The following DLGAP4 variants were observed in gnomAD, a reference collection of about 807,000 sequenced individuals.
DLGAP4 encodes DLG associated protein 4.
A neutral mutation model predicts 86.9 loss-of-function variants in DLGAP4; 18 were observed. That is an observed-to-expected ratio of 0.21 (90% CI 0.14 to 0.31). The LOEUF is 0.31. Ranked by LOEUF, DLGAP4 falls within the 10% of genes least tolerant of loss-of-function variation. The pLI, the probability that DLGAP4 is intolerant of heterozygous loss-of-function variation, is 1.00. For synonymous variants in DLGAP4, 548 were observed against 574.3 expected (o/e 0.95, Z 0.65); for missense variants, 1,085 against 1,362.6 (o/e 0.80, Z 3.21).
At chr20:36,463,693 T>G (rs2034205617) in intron 7 of DLGAP4, among the ~76,000 whole-genome samples, 1 of 152,352 alleles carries the variant, frequency 6.6e-6, no homozygotes, top group African/African-American at 2.4e-5. Context: ...TGGGCCCTGC[T>G]TGGACAGTGG....
At chr20:36,499,960 A>G (rs937221388) in intron 9 of DLGAP4, among the ~76,000 whole-genome samples, 2 of 152,202 alleles carry the variant, frequency 1.3e-5, no homozygotes, top group Admixed American at 1.3e-4. Flanking sequence ...CACTGCAGTA[A>G]ACAGGCAACC....
chr20:36,505,348 A>G (rs2036316058), intron 10 of DLGAP4, among the ~76,000 whole-genome samples: 1 of 152,028 alleles, frequency 6.6e-6, no homozygotes, highest in African/African-American at 2.4e-5. Context: ...TTGTGTCTCC[A>G]CTTATTTTTT....
At chr20:36,511,640 C>T (rs970432099) in intron 10 of DLGAP4, among the ~76,000 whole-genome samples, 11 of 151,890 alleles carry the variant, frequency 7.2e-5, no homozygotes, top group African/African-American at 1.4e-4. Flanking sequence ...TTTGGAAGGC[C>T]GAGGTAGGCA....
chr20:36,352,943 A>G (rs1373851911), intron 1 of DLGAP4, among the ~76,000 whole-genome samples: 1 of 152,190 alleles, frequency 6.6e-6, no homozygotes, highest in East Asian at 1.9e-4. Context: ...GAGGGGGGCT[A>G]CGGAAATGAG....
At chr20:36,384,160 G>A (rs1435455685) in intron 2 of DLGAP4, among the ~76,000 whole-genome samples, 3 of 152,134 alleles carry the variant, frequency 2.0e-5, no homozygotes, top group Non-Finnish European at 4.4e-5. Flanking sequence ...TGGGGTGCGG[G>A]GCACTCGTTT....
intron 7 of DLGAP4, among the ~76,000 whole-genome samples, chr20:36,468,902 T>G (rs111323506): frequency 1.3e-5 from 2 of 152,336 alleles, no homozygotes; most frequent in South Asian, 4.1e-4. Context: ...GCCAGTTGCT[T>G]TCTCGTAAAT....
chr20:36,373,037 G>A (rs918227392), intron 2 of DLGAP4, among the ~76,000 whole-genome samples: 1 of 151,984 alleles, frequency 6.6e-6, no homozygotes, highest in African/African-American at 2.4e-5. Flanking sequence ...AAACATATGC[G>A]TGCTCCTGCC....
intron 3 of DLGAP4, among the ~76,000 whole-genome samples, chr20:36,433,737 C>T (rs1403208939): frequency 3.9e-5 from 6 of 152,114 alleles, no homozygotes; most frequent in East Asian, 1.9e-4. Context: ...CTGCAACCTC[C>T]GCCCCCCGGG....
chr20:36,343,252 C>T (rs190593929), intron 1 of DLGAP4, among the ~76,000 whole-genome samples: 16 of 152,272 alleles, frequency 1.1e-4, no homozygotes, highest in Non-Finnish European at 1.6e-4. Flanking sequence ...ATCGTGGCAA[C>T]GAACAGCTGT....
At chr20:36,383,031 A>G (rs1437924902) in intron 2 of DLGAP4, among the ~76,000 whole-genome samples, 1 of 152,180 alleles carries the variant, frequency 6.6e-6, no homozygotes, top group African/African-American at 2.4e-5. Flanking sequence ...TGCTGGTCAC[A>G]CCATCTTAAT....
rs1305770836 is a variant in DLGAP4, at chr20:36,434,912, CAT to C, written c.1000-1196_1000-1195del. 7.2e-5 allele frequency among the ~76,000 whole-genome samples: 11 copies of C among 152,226 alleles called. No homozygotes were observed. In the South Asian group the frequency reaches 1.2e-3, roughly 17 times the overall value. ...GAGTGGGCTTGGACATCTGTGGTGA[CAT>C]GTGCAGTCTGGTGAGGGGTATGCTG... On this transcript the variant is annotated intron_variant, in intron 3 of 12. Transcript: ENST00000339266.
intron 2 of DLGAP4, among the ~76,000 whole-genome samples, chr20:36,396,483 C>G (rs1168100352): frequency 2.0e-5 from 3 of 146,948 alleles, no homozygotes; most frequent in African/African-American, 7.5e-5. Context: ...ACATCACACA[C>G]ACCACACACA....
chr20:36,499,575 G>A lies in DLGAP4; in HGVS notation c.2011-13G>A. The A allele has an allele frequency of 1.2e-6, 2 of 1,613,364 alleles. No homozygotes were observed. The highest frequency in any genetic ancestry group is 1.7e-6 in the Non-Finnish European group (2 of 1,179,552). ...TTGTCTCCGTGCCGTTGCTGTCGTT[G>A]TCCTTCAATAAGGTTGACTGCATTC... On this transcript the variant is annotated splice_polypyrimidine_tract_variant and intron_variant, in intron 8 of 12. Coordinates refer to ENST00000339266, the MANE Select transcript of DLGAP4 (RefSeq NM_001365621.2).
chr20:36,352,034 TGAG>T (rs2030172425), intron 1 of DLGAP4, among the ~76,000 whole-genome samples: 1 of 151,992 alleles, frequency 6.6e-6, no homozygotes, highest in African/African-American at 2.4e-5. Context: ...AAGGCCTCTC[TGAG>T]GAGGTGACAG....
At chr20:36,371,030 G>A (rs899037819) in intron 2 of DLGAP4, among the ~76,000 whole-genome samples, 1 of 152,128 alleles carries the variant, frequency 6.6e-6, no homozygotes, top group Non-Finnish European at 1.5e-5. Flanking sequence ...CAAATGAGAG[G>A]ACTGAGACCT....
intron 2 of DLGAP4, among the ~76,000 whole-genome samples, chr20:36,416,864 A>G (rs1221442241): frequency 1.3e-5 from 2 of 152,138 alleles, no homozygotes; most frequent in Non-Finnish European, 2.9e-5. Flanking sequence ...CTTCTCTCCC[A>G]TCGGGCAGCT....
At chr20:36,352,671 T>C (rs1036452698) in intron 1 of DLGAP4, among the ~76,000 whole-genome samples, 12 of 152,024 alleles carry the variant, frequency 7.9e-5, no homozygotes, top group African/African-American at 2.7e-4. Context: ...GTGAAAATTG[T>C]CTGATACCTT....
At chr20:36,461,751 G>GGCCCCC in intron 7 of DLGAP4, 14 of 618,736 alleles carry the variant, frequency 2.3e-5, no homozygotes, top group East Asian at 1.5e-4. Flanking sequence ...CCGTCCGTCC[G>GGCCCCC]CCCGCCCGCC....
intron 1 of DLGAP4, among the ~76,000 whole-genome samples, chr20:36,360,452 C>T (rs1416596157): frequency 1.3e-5 from 2 of 152,192 alleles, no homozygotes; most frequent in Non-Finnish European, 2.9e-5. Context: ...CTCCTGGTCC[C>T]CTCCAGCCTC....
Sources: allele counts gnomAD v4.1 joint callset (sites outside exome capture counted in the v4.1 genomes callset), GRCh38; gene constraint gnomAD v4.1.1; transcripts MANE v1.5; gene names NCBI Gene and HGNC (gene_info 2026-07-23, HGNC 2026-07-21).